The following CDH13 variants were observed in gnomAD, a reference collection of about 807,000 sequenced individuals.
The protein encoded by CDH13 is cadherin-13.
In CDH13, 24 loss-of-function variants were observed where a neutral mutation model predicts 63.8. The ratio of observed to expected loss-of-function variants is 0.38; its 90% CI spans 0.27 to 0.53. The LOEUF (loss-of-function observed/expected upper bound fraction) is 0.53, where lower values mean the gene tolerates loss of function less well. Among genes scored for constraint, CDH13 ranks in the 20% least tolerant of loss-of-function variants. The pLI is 0.85. For missense variants in CDH13, 1,049 were observed against 903.1 expected, an observed-to-expected ratio of 1.16 and a Z score of -2.07; for synonymous variants, 503 against 355.3, an observed-to-expected ratio of 1.42 and a Z score of -4.67.
At chr16:82,762,354 C>T (rs1222518301) in intron 1 of CDH13, among the ~76,000 whole-genome samples, 1 of 152,160 alleles carries the variant, frequency 6.6e-6, no homozygotes, top group Non-Finnish European at 1.5e-5. Flanking sequence ...CAAGCTTGTA[C>T]TTCTTGGCAC....
intron 1 of CDH13, among the ~76,000 whole-genome samples, chr16:82,797,087 T>G (rs1297667463): frequency 6.6e-6 from 1 of 152,240 alleles, no homozygotes; most frequent in Non-Finnish European, 1.5e-5. Flanking sequence ...TTCTAAAATT[T>G]GACCTCAAAG....
At chr16:82,799,369 C>T (rs575441386) in intron 1 of CDH13, among the ~76,000 whole-genome samples, 151 of 152,292 alleles carry the variant, frequency 9.9e-4, no homozygotes, top group Admixed American at 1.8e-3. Flanking sequence ...AAATCACTTC[C>T]TCTTGCCAAA....
In CDH13 at chr16:82,891,648, T is replaced by C. The variant is rs143683329; in HGVS notation, c.157+33175T>C. 3.0e-4 allele frequency among the ~76,000 whole-genome samples: 46 copies of C among 152,284 alleles called. 2 individuals carry two copies. The Middle Eastern group carries it at 0.024, about 79-fold the overall frequency. ...GAGTGATCAGTGTGACAGAGAGCTG[T>C]CTGTATTGCGGCTGTAAATGCCAGT... On this transcript the variant is annotated intron_variant, in intron 2 of 13. Coordinates refer to ENST00000567109, the MANE Select transcript of CDH13 (RefSeq NM_001257.5).
At chr16:82,935,685 A>G (rs181239616) in intron 2 of CDH13, among the ~76,000 whole-genome samples, 95 of 152,274 alleles carry the variant, frequency 6.2e-4, no homozygotes, top group African/African-American at 2.1e-3. Flanking sequence ...AGAGTCAGCA[A>G]TAACCCCCTG....
chr16:83,381,326 C>T (rs1188212961), intron 6 of CDH13, among the ~76,000 whole-genome samples: 1 of 152,086 alleles, frequency 6.6e-6, no homozygotes, highest in Non-Finnish European at 1.5e-5. Flanking sequence ...TTCCCTGCCC[C>T]TTCATGTCTT....
chr16:82,896,024 C>A (rs1259775242), intron 2 of CDH13, among the ~76,000 whole-genome samples: 1 of 152,142 alleles, frequency 6.6e-6, no homozygotes, highest in South Asian at 2.1e-4. Context: ...TCAAACACTA[C>A]CTCTTTAAGA....
rs544797194 is a variant in CDH13 at position 82,949,577 on chromosome 16, T to A, written c.158-82433T>A. Among the ~76,000 whole-genome samples, 4 of 152,326 alleles carry A rather than the reference T, an allele frequency of 2.6e-5. No homozygotes were observed. In the East Asian group the frequency reaches 7.7e-4, roughly 29 times the overall value. Reference sequence around the variant, plus strand: ...TTTCAATGCGTGCATTTGTTTTTTATAATGATCTTTTCTATGATACTGGGT... The same window carrying A: ...TTTCAATGCGTGCATTTGTTTTTTAAAATGATCTTTTCTATGATACTGGGT... On this transcript the variant is annotated intron_variant, in intron 2 of 13. Coordinates refer to ENST00000567109, the MANE Select transcript of CDH13 (RefSeq NM_001257.5).
chr16:82,642,619 A>T (rs1177535231), intron 1 of CDH13, among the ~76,000 whole-genome samples: 1 of 152,186 alleles, frequency 6.6e-6, no homozygotes, highest in African/African-American at 2.4e-5. Context: ...TACGTAAGGC[A>T]AGACCTGTTT....
intron 1 of CDH13, among the ~76,000 whole-genome samples, chr16:82,741,246 C>G (rs1027169279): frequency 1.3e-5 from 2 of 152,220 alleles, no homozygotes; most frequent in African/African-American, 2.4e-5. Flanking sequence ...TGTGGTTTGT[C>G]TCTTCCATCA....
chr16:83,619,362 G>C (rs1053737666), intron 8 of CDH13, among the ~76,000 whole-genome samples: 4 of 152,210 alleles, frequency 2.6e-5, no homozygotes, highest in Non-Finnish European at 1.5e-5. Context: ...GGACTGCGAG[G>C]GCACTTGGCA....
chr16:83,783,874 T>A (rs537064774), intron 13 of CDH13, among the ~76,000 whole-genome samples: 26 of 152,356 alleles, frequency 1.7e-4, no homozygotes, highest in Non-Finnish European at 3.2e-4. Flanking sequence ...TATGAGACTT[T>A]CTGAGAATAG....
intron 3 of CDH13, among the ~76,000 whole-genome samples, chr16:83,066,697 C>G (rs567467494): frequency 6.6e-6 from 1 of 152,164 alleles, no homozygotes; most frequent in Non-Finnish European, 1.5e-5. Flanking sequence ...AAAGTCCAAA[C>G]GATCAGCAAA....
intron 7 of CDH13, among the ~76,000 whole-genome samples, chr16:83,573,278 T>G (rs1904810556): frequency 6.6e-6 from 1 of 152,188 alleles, no homozygotes; most frequent in South Asian, 2.1e-4. Flanking sequence ...CTATGTGTAT[T>G]TTAAATGATT....
chr16:82,668,581 T>C (rs141002987), intron 1 of CDH13, among the ~76,000 whole-genome samples: 38 of 152,310 alleles, frequency 2.5e-4, no homozygotes, highest in African/African-American at 9.1e-4. Flanking sequence ...TCACCTGAGA[T>C]GGTGTGAACA....
chr16:83,064,858 G>A (rs1324009883), intron 3 of CDH13, among the ~76,000 whole-genome samples: 1 of 151,766 alleles, frequency 6.6e-6, no homozygotes, highest in Non-Finnish European at 1.5e-5. Flanking sequence ...TTTTTTTGCT[G>A]AGACATTTGA....
chr16:82,759,788 CCT>C (rs1348144536), intron 1 of CDH13, among the ~76,000 whole-genome samples: 1 of 151,996 alleles, frequency 6.6e-6, no homozygotes, highest in East Asian at 1.9e-4. Flanking sequence ...CTTGCCAAAT[CCT>C]CTGTCTTAGA....
chr16:83,057,204 A>G (rs938981405), intron 3 of CDH13, among the ~76,000 whole-genome samples: 2 of 152,106 alleles, frequency 1.3e-5, no homozygotes, highest in African/African-American at 2.4e-5. Flanking sequence ...TGACCTCGTG[A>G]TCCACCTGCC....
At chr16:82,687,528 A>G (rs191067222) in intron 1 of CDH13, among the ~76,000 whole-genome samples, 11 of 152,302 alleles carry the variant, frequency 7.2e-5, no homozygotes, top group Non-Finnish European at 1.5e-4. Context: ...TTGCATGGTG[A>G]CAGGCAAGAG....
At chr16:82,710,680 T>C (rs1324423328) in intron 1 of CDH13, among the ~76,000 whole-genome samples, 2 of 145,528 alleles carry the variant, frequency 1.4e-5, no homozygotes, top group Non-Finnish European at 3.0e-5. Context: ...TACAGTATAT[T>C]TATATATTTG....
Sources: gnomAD v4.1 joint callset for allele counts (sites outside exome capture counted in the v4.1 genomes callset) on GRCh38, gnomAD v4.1.1 for gene constraint, MANE v1.5 for transcripts, NCBI Gene and HGNC (gene_info 2026-07-23, HGNC 2026-07-21) for gene names.